The following USP34 variants were observed in gnomAD, a reference collection of about 807,000 sequenced individuals.
USP34 encodes ubiquitin specific peptidase 34, also known as ubiquitin carboxyl-terminal hydrolase 34.
A neutral mutation model predicts 460.3 loss-of-function variants in USP34; 70 were observed. The ratio of observed to expected loss-of-function variants is 0.15; its 90% CI spans 0.13 to 0.19. USP34 has a LOEUF of 0.19. USP34 is among the 10% of genes least tolerant of loss of function. The probability of loss-of-function intolerance (pLI) is 1.00; values close to 1 mark genes in which losing one functional copy is unlikely to be tolerated. For missense variants in USP34, 3,985 were observed against 4,236.2 expected (o/e 0.94, Z 1.65); for synonymous variants, 1,647 against 1,405.3 (o/e 1.17, Z -3.85).
chr2:61,437,817 A>AT lies in USP34; in HGVS notation c.44-16985_44-16984insA, dbSNP rs1553391325. Among the ~76,000 whole-genome samples the AT allele has an allele frequency of 7.6e-3, 1,132 of 149,768 alleles. 23 individuals are homozygous for AT. Among genetic ancestry groups the AT allele is most frequent in the Non-Finnish European group, 7.1e-3 (479 of 67,248 alleles). Reference sequence around the variant, plus strand: ...AATAAATAAATAAATAAATAAATAAAAAACCTGAACAGACCAAAAACAAGT... The same window carrying AT: ...AATAAATAAATAAATAAATAAATAAATAAACCTGAACAGACCAAAAACAAGT... On this transcript the variant is annotated intron_variant, in intron 1 of 79. Transcript: ENST00000398571.
chr2:61,348,666 A>G, intron 14 of USP34, 90 bp downstream of exon 14: 1 of 1,487,044 alleles, frequency 6.7e-7, no homozygotes, highest in Non-Finnish European at 8.9e-7. Context: ...ACAAGCCCAA[A>G]CATGAATTAT....
intron 30 of USP34, 50 bp downstream of exon 30, chr2:61,296,750 T>G (rs777600393): frequency 6.4e-7 from 1 of 1,573,742 alleles, no homozygotes; most frequent in Non-Finnish European, 8.6e-7. Flanking sequence ...TCAATAGGAA[T>G]GTAAACTGGT....
In USP34 at chr2:61,466,129, T is replaced by A. The variant is rs555180568; in HGVS notation, c.43+4521A>T. Among the ~76,000 whole-genome samples the A allele has an allele frequency of 9.8e-4, 149 of 151,710 alleles. 1 individual carries two copies. Among genetic ancestry groups the A allele is most frequent in the Non-Finnish European group, 1.9e-3 (126 of 67,900 alleles). On this transcript the variant is annotated intron_variant, in intron 1 of 79. Coordinates refer to ENST00000398571, the MANE Select transcript of USP34 (RefSeq NM_014709.4). ...ACTACAGAATGACTACGGTTAACAA[T>A]AATATATGATACAAGCCGGGCATGG...
rs2103777677 is a variant in USP34 at position 61,347,950 on chromosome 2, C to T, written c.2205G>A (p.Gly735=). Residue 735 remains glycine, a synonymous_variant, in exon 15 of 80, where the codon GGG becomes GGA. Coordinates refer to ENST00000398571, the MANE Select transcript of USP34 (RefSeq NM_014709.4). ...ATTGTCGACAATTAAATAATTCATTCCCAATAGTCTCCCCAAGGAAGTCCC... is the reference window on the plus strand; with the variant it reads ...ATTGTCGACAATTAAATAATTCATTTCCAATAGTCTCCCCAAGGAAGTCCC... The part of the protein sequence containing the change: ...RTGDFLGETI[G]NELFNCRQFI... 1 of 1,614,026 alleles carries T rather than the reference C, an allele frequency of 6.2e-7. No individual in the cohort carries two copies. The highest frequency in any genetic ancestry group is 1.7e-5 in the Admixed American group (1 of 60,022).
At chr2:61,238,539 T>G (rs1053965359) in intron 53 of USP34, among the ~76,000 whole-genome samples, 3 of 152,234 alleles carry the variant, frequency 2.0e-5, no homozygotes, top group African/African-American at 7.2e-5. Context: ...CTTTTATGCT[T>G]CTAAAATGTT....
At chr2:61,464,177 G>A (rs572931040) in intron 1 of USP34, among the ~76,000 whole-genome samples, 194 of 152,246 alleles carry the variant, frequency 1.3e-3, no homozygotes, top group Non-Finnish European at 2.2e-3. Context: ...ACATTAGCTG[G>A]GCGTGGTGGC....
intron 21 of USP34, 98 bp downstream of exon 21, chr2:61,325,277 A>T (rs1691051324): frequency 6.1e-6 from 2 of 327,636 alleles, no homozygotes; most frequent in Non-Finnish European, 9.9e-6. Context: ...AAATTAAACT[A>T]AAAAAAAAAA....
chr2:61,447,565 A>C (rs1050412587), intron 1 of USP34, among the ~76,000 whole-genome samples: 2 of 152,228 alleles, frequency 1.3e-5, no homozygotes, highest in Admixed American at 6.5e-5. Context: ...CTCAGCTCAC[A>C]ACTCAAACCA....
intron 2 of USP34, among the ~76,000 whole-genome samples, chr2:61,414,908 G>C (rs951158773): frequency 6.6e-6 from 1 of 152,146 alleles, no homozygotes; most frequent in Non-Finnish European, 1.5e-5. Flanking sequence ...ACCAGTCAGA[G>C]GCTGAAGTTA....
intron 68 of USP34, among the ~76,000 whole-genome samples, chr2:61,212,196 A>G (rs1687289082): frequency 6.6e-6 from 1 of 152,200 alleles, no homozygotes; most frequent in Non-Finnish European, 1.5e-5. Context: ...AACATGATGA[A>G]ACTCTGTCTC....
At chr2:61,339,228 TAA>T in intron 18 of USP34, 121 bp downstream of exon 18, 1 of 964,286 alleles carries the variant, frequency 1.0e-6, no homozygotes. Context: ...CTATAATTAC[TAA>T]AAAACAGATT....
At chr2:61,193,543 G>GAGT (rs1192182517) in intron 75 of USP34, among the ~76,000 whole-genome samples, 1 of 152,120 alleles carries the variant, frequency 6.6e-6, no homozygotes, top group Non-Finnish European at 1.5e-5. Flanking sequence ...CTATGTCAGA[G>GAGT]AGTGCTATTT....
Position 61,232,445 on chromosome 2 carries a change from T to C in USP34, c.7113+7A>G. On this transcript the variant is annotated splice_region_variant and intron_variant, in intron 58 of 79. Coordinates refer to ENST00000398571, the MANE Select transcript of USP34 (RefSeq NM_014709.4). ...AAATAATTTTTTTCAAACATATTTT[T>C]CCTTACCTGTCTCACAATTTGATTA... is the stretch of plus-strand genomic sequence containing the variant. The C allele has an allele frequency of 6.3e-7, 1 of 1,598,746 alleles. No homozygotes were observed. The highest frequency in any genetic ancestry group is 8.5e-7 in the Non-Finnish European group (1 of 1,173,208).
At chr2:61,260,083 C>T (rs1688833916) in intron 43 of USP34, among the ~76,000 whole-genome samples, 1 of 152,188 alleles carries the variant, frequency 6.6e-6, no homozygotes, top group Non-Finnish European at 1.5e-5. Flanking sequence ...ATGAAAAACA[C>T]TTCAGGTGCA....
chr2:61,350,404 G>A lies in USP34; in HGVS notation c.1378-15C>T, dbSNP rs528795461. On this transcript the variant is annotated splice_polypyrimidine_tract_variant and intron_variant, in intron 11 of 79. Transcript: ENST00000398571. ...AAGTACAGTGTCTAAAAAAAAGAGG[G>A]AGAGATTTCAGTTTGAGAATTCCAG... 6.3e-7 allele frequency: 1 copy of A among 1,598,016 alleles called. No individual in the cohort carries two copies. Among genetic ancestry groups the A allele is most frequent in the East Asian group, 2.2e-5 (1 of 44,620 alleles).
At chr2:61,263,173 ATTTTTTTTTT>A (rs36015748) in intron 43 of USP34, among the ~76,000 whole-genome samples, 5 of 97,780 alleles carry the variant, frequency 5.1e-5, no homozygotes, top group Non-Finnish European at 9.8e-5. Context: ...CACACATGGA[ATTTTTTTTTT>A]TTTTTTTTTT....
intron 15 of USP34, among the ~76,000 whole-genome samples, chr2:61,347,196 G>A (rs890887548): frequency 3.3e-5 from 5 of 151,992 alleles, no homozygotes; most frequent in African/African-American, 9.7e-5. Context: ...AGAATTAAAG[G>A]GTGGCTGGTC....
At chr2:61,449,922 T>C (rs1459034948) in intron 1 of USP34, among the ~76,000 whole-genome samples, 4 of 151,882 alleles carry the variant, frequency 2.6e-5, no homozygotes, top group African/African-American at 9.7e-5. Context: ...AAAAATAAGC[T>C]GGGCATGGTG....
chr2:61,448,730 A>C lies in USP34; in HGVS notation c.43+21920T>G, dbSNP rs369641471. ...AGGTTGCAGGATACAAGATCAAGGT[A>C]CCAAATCAACCATATTTCTATATAT... On this transcript the variant is annotated intron_variant, in intron 1 of 79. Transcript: ENST00000398571. Among the ~76,000 whole-genome samples, 197 of 152,364 alleles carry C rather than the reference A, an allele frequency of 1.3e-3. 9 individuals carry two copies. In the South Asian group the frequency reaches 0.038, roughly 30 times the overall value.
Sources: gnomAD v4.1 joint callset for allele counts (sites outside exome capture counted in the v4.1 genomes callset) on GRCh38, gnomAD v4.1.1 for gene constraint, MANE v1.5 for transcripts, NCBI Gene and HGNC (gene_info 2026-07-23, HGNC 2026-07-21) for gene names.